Variants in CBLN2 observed in about 807,000 individuals in gnomAD.
CBLN2 encodes the protein cerebellin 2 precursor.
Under a neutral mutation model 15.0 loss-of-function variants are expected in CBLN2, and 7 were observed. The observed-to-expected ratio is 0.47, with a 90% CI of 0.27 to 0.88. The LOEUF (loss-of-function observed/expected upper bound fraction) is 0.88. CBLN2 is among the 40% of genes least tolerant of loss of function. CBLN2 has a pLI of 0.14. For missense variants in CBLN2, 242 were observed against 304.5 expected (o/e 0.79, Z 1.53); for synonymous variants, 149 against 135.2 (o/e 1.10, Z -0.71).
At chr18:72,576,959 TATAA>T (rs1172132647) in intron 1 of CBLN2, among the ~76,000 whole-genome samples, 6 of 147,906 alleles carry the variant, frequency 4.1e-5, no homozygotes, top group African/African-American at 1.2e-4. Flanking sequence ...GTGATGTATA[TATAA>T]ATATATATAA....
intron 1 of CBLN2, among the ~76,000 whole-genome samples, chr18:72,590,431 G>A (rs1323585235): frequency 6.6e-6 from 1 of 151,966 alleles, no homozygotes; most frequent in Admixed American, 6.6e-5. Context: ...GGACCACAGA[G>A]CAAATGAGAC....
At position 72,579,732 on chromosome 18, in the gene CBLN2, GCAAAAAACAAAAAA is replaced by G. The variant is rs1359382633; in HGVS notation, c.16-40974_16-40961del. ...GGGTGACAGAGCGAGACTCCGTCTC[GCAAAAAACAAAAAA>G]CAAAAAACAAAAACAAAATAAAACA... is the stretch of plus-strand genomic sequence containing the variant. On this transcript the variant is annotated intron_variant, in intron 1 of 2. Coordinates refer to the CBLN2 transcript ENST00000581073. 5.3e-5 allele frequency among the ~76,000 whole-genome samples: 5 copies of G among 94,084 alleles called. No individual in the cohort carries two copies. The South Asian group carries it at 1.1e-3, about 20-fold the overall frequency. 61.7% of individuals were successfully genotyped at this position (94,084 alleles called of 152,430 possible). A position where few individuals can be genotyped will look rare whatever the true frequency, so the allele number is the denominator to read the frequency against.
intron 1 of CBLN2, among the ~76,000 whole-genome samples, chr18:72,576,940 T>C (rs1453988484): frequency 6.8e-6 from 1 of 148,012 alleles, no homozygotes; most frequent in African/African-American, 2.5e-5. Context: ...ATTTTATATA[T>C]ATATAAATGT....
chr18:72,636,274 C>T (rs1380101972), intron 1 of CBLN2, among the ~76,000 whole-genome samples: 1 of 152,090 alleles, frequency 6.6e-6, no homozygotes, highest in Admixed American at 6.5e-5. Context: ...TTTACATAAG[C>T]AAGCATCTAT....
At chr18:72,584,393 C>A (rs1426816868) in intron 1 of CBLN2, among the ~76,000 whole-genome samples, 1 of 151,958 alleles carries the variant, frequency 6.6e-6, no homozygotes, top group South Asian at 2.1e-4. Flanking sequence ...CTCACTGCAA[C>A]CTCTGCCTCC....
Position 72,543,192 on chromosome 18 carries a change from C to T in CBLN2, c.-167+294G>A, listed in dbSNP as rs955140913. On this transcript the variant is annotated intron_variant, in intron 2 of 4. Coordinates refer to ENST00000269503, the MANE Select transcript of CBLN2 (RefSeq NM_182511.4). The surrounding 1 kb of genome is among the most constrained non-coding windows in gnomAD (Gnocchi z 6.8). ...TACGCGCCCGTCTGCACTTTTGCCC[C>T]GTCCCCGCTCCTCCCAGGAAAGCAG... The T allele has an allele frequency of 1.5e-4, 45 of 292,582 alleles. No homozygotes were observed. Among genetic ancestry groups the T allele is most frequent in the Non-Finnish European group, 2.5e-4 (39 of 158,796 alleles). The allele number at this position is 292,582 out of a possible 1,614,324, so 18.1% of individuals were successfully genotyped here.
rs2069078519 is a variant in CBLN2 at position 72,537,963 on chromosome 18, A to G, written c.*213T>C. 1.7e-6 allele frequency: 1 copy of G among 594,314 alleles called. No homozygotes were observed. Among genetic ancestry groups the G allele is most frequent in the Admixed American group, 3.0e-5 (1 of 33,658 alleles). 36.8% of individuals were successfully genotyped at this position (594,314 alleles called of 1,614,324 possible). On this transcript the variant is annotated 3_prime_UTR_variant, in exon 5 of 5. Transcript: ENST00000269503. Reference sequence around the variant, plus strand: ...TTTCTCCTTAAGACCTTGTCATCTAAAACTAATTAGAGGCCAGGTTCCCGA... The same window carrying G: ...TTTCTCCTTAAGACCTTGTCATCTAGAACTAATTAGAGGCCAGGTTCCCGA...
chr18:72,548,810 A>G (rs634392), upstream of CBLN2, among the ~76,000 whole-genome samples: 111,416 of 151,982 alleles, frequency 0.73, 46,719 homozygotes, highest in Non-Finnish European at 0.95. Context: ...AGCTTCCTGC[A>G]CCATAAATGC....
intron 3 of CBLN2, among the ~76,000 whole-genome samples, chr18:72,540,631 C>A (rs1415403862): frequency 6.6e-6 from 1 of 152,024 alleles, no homozygotes; most frequent in African/African-American, 2.4e-5. Flanking sequence ...AATAATTTTA[C>A]ATTTTGTAAA....
At chr18:72,559,640 G>A (rs1465702859) in intron 1 of CBLN2, among the ~76,000 whole-genome samples, 1 of 152,222 alleles carries the variant, frequency 6.6e-6, no homozygotes, top group Admixed American at 6.5e-5. Flanking sequence ...TTTGAAGAAA[G>A]CACTTTTCAT....
intron 1 of CBLN2, among the ~76,000 whole-genome samples, chr18:72,550,846 A>T (rs376003845): frequency 6.6e-6 from 1 of 152,134 alleles, no homozygotes; most frequent in East Asian, 1.9e-4. Context: ...ATGATAGACT[A>T]ATACTAACCT....
chr18:72,580,211 A>T (rs578227096), intron 1 of CBLN2, among the ~76,000 whole-genome samples: 2 of 152,234 alleles, frequency 1.3e-5, no homozygotes, highest in Non-Finnish European at 1.5e-5. Context: ...TTAAAAGCTA[A>T]CAGGAAACTC....
intron 1 of CBLN2, among the ~76,000 whole-genome samples, chr18:72,630,793 G>A (rs1485450133): frequency 6.6e-6 from 1 of 152,058 alleles, no homozygotes; most frequent in Non-Finnish European, 1.5e-5. Flanking sequence ...CTGTGGAACT[G>A]AAGGACGCCA....
At chr18:72,541,240 C>T (rs1157996196) in intron 3 of CBLN2, among the ~76,000 whole-genome samples, 1 of 151,728 alleles carries the variant, frequency 6.6e-6, no homozygotes, top group Non-Finnish European at 1.5e-5. Flanking sequence ...TACACAATCA[C>T]AATATTTTGT....
intron 1 of CBLN2, among the ~76,000 whole-genome samples, chr18:72,559,715 G>A (rs991283346): frequency 5.9e-5 from 9 of 152,144 alleles, no homozygotes; most frequent in Non-Finnish European, 2.9e-5. Context: ...TTTTTTCGAG[G>A]ATAAGGCAAT....
At chr18:72,538,557 C>T in intron 4 of CBLN2, 96 bp downstream of exon 4, 3 of 1,536,836 alleles carry the variant, frequency 2.0e-6, no homozygotes, top group Non-Finnish European at 2.7e-6. Context: ...GACCAGTACC[C>T]TGTCTCCCTC....
At chr18:72,567,038 G>A (rs541895348) in intron 1 of CBLN2, among the ~76,000 whole-genome samples, 7 of 152,066 alleles carry the variant, frequency 4.6e-5, no homozygotes, top group African/African-American at 1.4e-4. Context: ...GTCCAAGCTC[G>A]TCTGGAACTC....
In CBLN2 at chr18:72,543,018, G is replaced by A. The variant is rs1385878667; in HGVS notation, c.-167+468C>T. 1 of 154,532 alleles carries A rather than the reference G, an allele frequency of 6.5e-6. No homozygotes were observed. The highest frequency in any genetic ancestry group is 1.4e-5 in the Non-Finnish European group (1 of 70,388). The allele number at this position is 154,532 out of a possible 1,614,324, so 9.6% of individuals were successfully genotyped here. ...CTGCAGCCACTAGCGAGCCCCCTTG[G>A]GTGAAACCCCTGGGATTCCTCTCTT... is the stretch of plus-strand genomic sequence containing the variant. On this transcript the variant is annotated intron_variant, in intron 2 of 4. Coordinates refer to ENST00000269503, the MANE Select transcript of CBLN2 (RefSeq NM_182511.4). This position sits in a 1 kb window ranked among gnomAD's most constrained non-coding sequence, Gnocchi z 6.8.
rs2069082947 is a variant in CBLN2, at chr18:72,538,329, T to G, written c.522A>C (p.Ala174=). ...QNGYPVISAF[A]GDQDVTREAA... ...CTTCTCTGGTGACATCCTGGTCTCC[T>G]GCAAAGGCCGAGATCACTGGGTAGC... Residue 174 remains alanine (A), a synonymous_variant, in exon 5 of 5, where the codon GCA becomes GCC. Transcript: ENST00000269503. 6.2e-7 allele frequency: 1 copy of G among 1,614,174 alleles called. No individual in the cohort carries two copies.
Sources: gnomAD v4.1 joint callset for allele counts (sites outside exome capture counted in the v4.1 genomes callset) on GRCh38, gnomAD v4.1.1 for gene constraint, Gnocchi (gnomAD v3.1) non-coding constraint, MANE v1.5 for transcripts, NCBI Gene and HGNC (gene_info 2026-07-23, HGNC 2026-07-21) for gene names.